Variants in ACSF2 observed in about 807,000 individuals in gnomAD.
ACSF2 encodes the protein acyl-CoA synthetase family member 2, also known as medium-chain acyl-CoA ligase ACSF2, mitochondrial.
In ACSF2, 52 loss-of-function variants were observed where a neutral mutation model predicts 79.3. That is an observed-to-expected ratio of 0.66 (90% CI 0.53 to 0.83). The LOEUF is 0.83. Ranked by LOEUF, ACSF2 falls within the 40% of genes least tolerant of loss-of-function variation. ACSF2 has a pLI of 0.00. For synonymous variants in ACSF2, 283 were observed against 312.6 expected (o/e 0.91, Z 1.00); for missense variants, 661 against 803.3 (o/e 0.82, Z 2.14).
rs1403368021 is a variant in ACSF2 at position 50,471,285 on chromosome 17, G to A, written c.1323+150G>A. On this transcript the variant is annotated intron_variant, in intron 11 of 15. Coordinates refer to ENST00000300441, the MANE Select transcript of ACSF2 (RefSeq NM_025149.6). The surrounding 1 kb of genome is among the most constrained non-coding windows in gnomAD (Gnocchi z 4.1). ...CAGCAGCAGGGGTGTGCTAGGCCTGGCCCGGAGTGTTCTCTGTGGGCTAAG... is the reference window on the plus strand; with the variant it reads ...CAGCAGCAGGGGTGTGCTAGGCCTGACCCGGAGTGTTCTCTGTGGGCTAAG... 1 of 643,166 alleles carries A rather than the reference G, an allele frequency of 1.6e-6. No homozygotes were observed. The highest frequency in any genetic ancestry group is 2.8e-6 in the Non-Finnish European group (1 of 361,264). 39.8% of individuals were successfully genotyped at this position (643,166 alleles called of 1,614,324 possible).
chr17:50,465,209 G>A, intron 10 of ACSF2: 4 of 1,532,326 alleles, frequency 2.6e-6, no homozygotes, highest in Non-Finnish European at 2.7e-6. Flanking sequence ...GACCCTCCAG[G>A]GCCAGGGGGT....
Position 50,474,767 on chromosome 17 carries a change from C to T in ACSF2, c.*215C>T. ...GGCAGGCAGCCTGCCCAGGCCCTCC[C>T]TCCTGTCCATCCCCCACATTCCCCT... On this transcript the variant is annotated 3_prime_UTR_variant, in exon 16 of 16. Transcript: ENST00000300441. This position sits in a 1 kb window ranked among gnomAD's most constrained non-coding sequence, Gnocchi z 4.2. The T allele has an allele frequency of 1.7e-6, 1 of 573,138 alleles. No individual in the cohort carries two copies. The highest frequency in any genetic ancestry group is 3.1e-6 in the Non-Finnish European group (1 of 323,732). 35.5% of individuals were successfully genotyped at this position (573,138 alleles called of 1,614,324 possible).
chr17:50,445,590 G>A (rs1165766230), intron 1 of ACSF2, among the ~76,000 whole-genome samples: 4 of 152,028 alleles, frequency 2.6e-5, no homozygotes, highest in African/African-American at 9.7e-5. Flanking sequence ...AGCTCAGGAG[G>A]TCAAGACTAG....
At chr17:50,434,810 T>C (rs934497179) in intron 1 of ACSF2, among the ~76,000 whole-genome samples, 2 of 152,200 alleles carry the variant, frequency 1.3e-5, no homozygotes, top group East Asian at 1.9e-4. Flanking sequence ...TGTCGAGTGG[T>C]AGAAAGATCA....
intron 1 of ACSF2, among the ~76,000 whole-genome samples, chr17:50,434,635 G>A (rs547196001): frequency 2.0e-5 from 3 of 152,114 alleles, no homozygotes; most frequent in South Asian, 2.1e-4. Flanking sequence ...GCAGTGATCC[G>A]AGATAGCACC....
In ACSF2 at chr17:50,472,506, G is replaced by A. The variant is rs754826108; in HGVS notation, c.1402G>A (p.Val468Ile). The A allele has an allele frequency of 9.3e-6, 15 of 1,612,964 alleles. No individual in the cohort carries two copies. The highest frequency in any genetic ancestry group is 6.7e-5 in the East Asian group (3 of 44,778). Residue 468 changes from valine (V) to isoleucine (I), a missense_variant, in exon 12 of 16, where the codon GTC becomes ATC. Physicochemically the swap from Val to Ile is conservative, Grantham distance 29 (BLOSUM62 3). Coordinates refer to ENST00000300441, the MANE Select transcript of ACSF2 (RefSeq NM_025149.6). ...GGAGCTGTGCATCCGAGGGTACTGC[G>A]TCATGCTGGGCTACTGGGGTGAGCC... ...PGELCIRGYC[V>I]MLGYWGEPQK...
intron 1 of ACSF2, among the ~76,000 whole-genome samples, chr17:50,441,964 C>G (rs1335352911): frequency 6.6e-6 from 1 of 152,080 alleles, no homozygotes. Context: ...CTTAGCCTCC[C>G]AAGTAGCTGG....
intron 1 of ACSF2, among the ~76,000 whole-genome samples, chr17:50,429,091 G>C (rs1209443944): frequency 6.6e-6 from 1 of 152,238 alleles, no homozygotes; most frequent in Non-Finnish European, 1.5e-5. Flanking sequence ...CCAGACCCTG[G>C]TTTTGCCTGA....
chr17:50,447,066 A>T (rs1254558545), intron 1 of ACSF2, among the ~76,000 whole-genome samples: 4 of 152,204 alleles, frequency 2.6e-5, no homozygotes, highest in Admixed American at 2.6e-4. Flanking sequence ...ATGTGTAACC[A>T]TCACTATAGT....
In ACSF2 at chr17:50,474,531, G is replaced by A; in HGVS notation, c.1827G>A (p.Met609Ile). The part of the protein sequence containing the change: ...KIQKFKLREQ[M>I]ERHLNL The stretch of plus-strand genomic sequence containing the variant: ...AGAAATTCAAACTTCGAGAGCAGAT[G>A]GAACGACATCTAAATCTGTGAATAA... Residue 609 changes from methionine (M) to isoleucine (I), a missense_variant, in exon 16 of 16, where the codon ATG (methionine) becomes ATA (isoleucine). By Grantham distance (10) the Met-to-Ile change is conservative. Transcript: ENST00000300441. The surrounding 1 kb of genome is among the most constrained non-coding windows in gnomAD (Gnocchi z 4.2). 3.1e-6 allele frequency: 5 copies of A among 1,614,192 alleles called. No individual in the cohort carries two copies. The highest frequency in any genetic ancestry group is 4.2e-6 in the Non-Finnish European group (5 of 1,180,034).
chr17:50,450,522 C>A (rs982672393), intron 1 of ACSF2: 18 of 151,634 alleles, frequency 1.2e-4, no homozygotes, highest in African/African-American at 3.6e-4. Context: ...AAAAAGTGAT[C>A]CTGCGAGCCA....
chr17:50,443,527 T>C (rs1346482340), intron 1 of ACSF2, among the ~76,000 whole-genome samples: 2 of 152,210 alleles, frequency 1.3e-5, no homozygotes, highest in Non-Finnish European at 2.9e-5. Context: ...AGCTTGAAGA[T>C]TCTCTTTTGA....
chr17:50,454,652 G>A (rs576144853), intron 1 of ACSF2, among the ~76,000 whole-genome samples: 7 of 152,240 alleles, frequency 4.6e-5, no homozygotes, highest in African/African-American at 1.7e-4. Flanking sequence ...AAACCCCACT[G>A]GCCAGGACCT....
chr17:50,446,252 GT>G (rs907448406), intron 1 of ACSF2, among the ~76,000 whole-genome samples: 21 of 147,450 alleles, frequency 1.4e-4, no homozygotes, highest in South Asian at 4.3e-4. Context: ...GCCCTAGAAG[GT>G]TTTTTTTTTT....
chr17:50,465,815 TTC>T, intron 10 of ACSF2: 1 of 1,613,858 alleles, frequency 6.2e-7, no homozygotes, highest in Non-Finnish European at 8.5e-7. Context: ...CAAGCGGTTG[TTC>T]TCCAAATGGA....
At chr17:50,462,852 A>G (rs1277857827) in intron 6 of ACSF2, 2 of 582,242 alleles carry the variant, frequency 3.4e-6, no homozygotes, top group Admixed American at 3.2e-5. Flanking sequence ...GAACTGCTAC[A>G]GGCTGCCCCT....
At chr17:50,464,372 C>A in intron 10 of ACSF2, 78 bp downstream of exon 10, 1 of 1,416,196 alleles carries the variant, frequency 7.1e-7, no homozygotes, top group Non-Finnish European at 1.0e-6. Context: ...GGGGATGAGT[C>A]CAGGCCAGAT....
chr17:50,472,857 T>C (rs2033183619), intron 12 of ACSF2: 2 of 343,522 alleles, frequency 5.8e-6, no homozygotes, highest in Admixed American at 1.0e-4. Context: ...TAGAATTCCT[T>C]ATGTGCTAGC....
chr17:50,458,150 C>T (rs1484504879), intron 1 of ACSF2, among the ~76,000 whole-genome samples: 1 of 152,120 alleles, frequency 6.6e-6, no homozygotes, highest in Non-Finnish European at 1.5e-5. Flanking sequence ...AGGGATCAGC[C>T]CATAAACACA....
Sources: allele counts gnomAD v4.1 joint callset (sites outside exome capture counted in the v4.1 genomes callset), GRCh38; gene constraint gnomAD v4.1.1; non-coding constraint Gnocchi (gnomAD v3.1); transcripts MANE v1.5; gene names NCBI Gene and HGNC (gene_info 2026-07-23, HGNC 2026-07-21).